The following PPM1D variants were observed in gnomAD, a reference collection of about 807,000 sequenced individuals.
PPM1D encodes protein phosphatase 1D.
A neutral mutation model predicts 58.3 loss-of-function variants in PPM1D; 52 were observed. The ratio of observed to expected loss-of-function variants is 0.89; its 90% CI spans 0.71 to 1.12. The LOEUF (loss-of-function observed/expected upper bound fraction) is 1.12. Ranked by LOEUF, PPM1D falls within the 50% of genes most tolerant of loss-of-function variation. The probability of loss-of-function intolerance (pLI) is 0.00; values close to 1 mark genes in which losing one functional copy is unlikely to be tolerated. For missense variants in PPM1D, 564 were observed against 777.2 expected (o/e 0.73, Z 3.26); for synonymous variants, 278 against 285.1 (o/e 0.98, Z 0.25).
At chr17:60,621,947 G>A (rs144264182) in intron 1 of PPM1D, among the ~76,000 whole-genome samples, 6,056 of 149,522 alleles carry the variant, frequency 0.041, 331 homozygotes, top group African/African-American at 0.13. Flanking sequence ...CAACACTTTG[G>A]GAGGCCAAGG....
intron 1 of PPM1D, among the ~76,000 whole-genome samples, chr17:60,610,485 CAA>C (rs2030432457): frequency 6.6e-6 from 1 of 152,136 alleles, no homozygotes; most frequent in South Asian, 2.1e-4. Context: ...TAATTAAAAA[CAA>C]TGATGTTTGG....
In PPM1D at chr17:60,663,625, A is replaced by C; in HGVS notation, c.*73A>C. 6.8e-7 allele frequency: 1 copy of C among 1,466,410 alleles called. No homozygotes were observed. The highest frequency in any genetic ancestry group is 9.1e-7 in the Non-Finnish European group (1 of 1,094,810). 90.8% of individuals were successfully genotyped at this position (1,466,410 alleles called of 1,614,324 possible). A position where few individuals can be genotyped will look rare whatever the true frequency, so the allele number is the denominator to read the frequency against. The stretch of plus-strand genomic sequence containing the variant: ...CTTTTTAAATTTGGTGCCGATGTTG[A>C]ACTTTTTTTAAGGGGAGAAAATTAA... On this transcript the variant is annotated 3_prime_UTR_variant, in exon 6 of 6. Transcript: ENST00000305921.
intron 3 of PPM1D, 102 bp downstream of exon 3, chr17:60,634,079 G>A: frequency 7.6e-7 from 1 of 1,307,508 alleles, no homozygotes; most frequent in Non-Finnish European, 1.1e-6. Flanking sequence ...GGCATATAGT[G>A]AGGGTAGAGA....
chr17:60,611,967 C>T (rs1340608863), intron 1 of PPM1D, among the ~76,000 whole-genome samples: 3 of 151,270 alleles, frequency 2.0e-5, no homozygotes, highest in Admixed American at 6.6e-5. Context: ...TGTCCTTTAC[C>T]TATGTGCTGT....
chr17:60,603,763 CAAA>C (rs58124861), intron 1 of PPM1D, among the ~76,000 whole-genome samples: 3 of 148,366 alleles, frequency 2.0e-5, no homozygotes, highest in South Asian at 2.1e-4. Flanking sequence ...GACTCCGTCT[CAAA>C]AAAAAAAAAG....
intron 3 of PPM1D, among the ~76,000 whole-genome samples, chr17:60,638,736 A>G (rs947171929): frequency 5.9e-5 from 9 of 152,248 alleles, no homozygotes; most frequent in African/African-American, 2.2e-4. Context: ...TTGCATGGAA[A>G]TACTTACTGG....
intron 1 of PPM1D, among the ~76,000 whole-genome samples, chr17:60,622,168 C>T (rs538671219): frequency 2.9e-4 from 43 of 149,300 alleles, no homozygotes; most frequent in Non-Finnish European, 4.4e-4. Context: ...CCAGCCTGGA[C>T]GACAGAGCGA....
chr17:60,640,137 G>A (rs1290483159), intron 3 of PPM1D, among the ~76,000 whole-genome samples: 1 of 152,148 alleles, frequency 6.6e-6, no homozygotes, highest in East Asian at 1.9e-4. Flanking sequence ...TGGACAACAT[G>A]GCGAAATCTC....
chr17:60,652,780 A>G (rs761037725), intron 4 of PPM1D, among the ~76,000 whole-genome samples: 1 of 151,610 alleles, frequency 6.6e-6, no homozygotes, highest in Non-Finnish European at 1.5e-5. Context: ...GCATTTTTTC[A>G]TATATCTGTT....
intron 2 of PPM1D, among the ~76,000 whole-genome samples, chr17:60,629,922 C>T (rs1032942217): frequency 5.1e-4 from 78 of 152,058 alleles, no homozygotes; most frequent in African/African-American, 1.8e-3. Context: ...TTCCCGTAAT[C>T]CCAGCTACTC....
chr17:60,656,889 C>T (rs762551675), intron 5 of PPM1D, 48 bp downstream of exon 5: 1 of 1,611,502 alleles, frequency 6.2e-7, no homozygotes. Flanking sequence ...GACACCAGTT[C>T]TTTGGTTAGC....
chr17:60,623,953 ACT>A (rs1203392907), intron 2 of PPM1D, among the ~76,000 whole-genome samples: 1 of 152,086 alleles, frequency 6.6e-6, no homozygotes, highest in African/African-American at 2.4e-5. Context: ...TCTGATAATG[ACT>A]CTAATAGGAA....
At chr17:60,639,655 C>T (rs1050038481) in intron 3 of PPM1D, among the ~76,000 whole-genome samples, 1 of 152,232 alleles carries the variant, frequency 6.6e-6, no homozygotes, top group East Asian at 1.9e-4. Flanking sequence ...CCAGGCTGGT[C>T]TCGAACTCCT....
intron 2 of PPM1D, among the ~76,000 whole-genome samples, chr17:60,625,228 C>CA (rs1423720142): frequency 6.6e-6 from 1 of 151,782 alleles, no homozygotes; most frequent in Non-Finnish European, 1.5e-5. Flanking sequence ...GTTTGAACAA[C>CA]AAAAAAATGC....
At chr17:60,653,317 G>A (rs930988871) in intron 4 of PPM1D, among the ~76,000 whole-genome samples, 4 of 152,020 alleles carry the variant, frequency 2.6e-5, no homozygotes, top group African/African-American at 7.2e-5. Flanking sequence ...GTTGCTCTTG[G>A]CACCTTTGTT....
intron 1 of PPM1D, among the ~76,000 whole-genome samples, chr17:60,604,084 G>T (rs2030279704): frequency 6.6e-6 from 1 of 152,204 alleles, no homozygotes; most frequent in Non-Finnish European, 1.5e-5. Context: ...TCATCCATGT[G>T]TGATTTTTGT....
intron 2 of PPM1D, among the ~76,000 whole-genome samples, chr17:60,626,038 G>A (rs760902618): frequency 6.6e-6 from 1 of 152,058 alleles, no homozygotes; most frequent in Non-Finnish European, 1.5e-5. Context: ...ATATATTATG[G>A]AGCTGTACCA....
chr17:60,618,076 A>G (rs1471765400), intron 1 of PPM1D, among the ~76,000 whole-genome samples: 1 of 152,156 alleles, frequency 6.6e-6, no homozygotes, highest in Non-Finnish European at 1.5e-5. Context: ...TGCTTGTGAG[A>G]TTCTTGTGTG....
rs2030190950 is a variant in PPM1D, at chr17:60,600,729, C to T, written c.315C>T (p.Asp105=). 2 of 1,609,772 alleles carry T rather than the reference C, an allele frequency of 1.2e-6. No homozygotes were observed. The highest frequency in any genetic ancestry group is 1.7e-6 in the Non-Finnish European group (2 of 1,178,856). Residue 105 remains aspartate (D), a synonymous_variant, in exon 1 of 6, where the codon GAC becomes GAT. Coordinates refer to ENST00000305921, the MANE Select transcript of PPM1D (RefSeq NM_003620.4). ...CCGTGGCCTTTTTCGCCGTGTGCGA[C>T]GGGCACGGCGGGCGGGAGGCGGCAC... The part of the protein sequence containing the change: ...RSSVAFFAVC[D]GHGGREAAQF...
Sources: gnomAD v4.1 joint callset for allele counts (sites outside exome capture counted in the v4.1 genomes callset) on GRCh38, gnomAD v4.1.1 for gene constraint, MANE v1.5 for transcripts, NCBI Gene and HGNC (gene_info 2026-07-23, HGNC 2026-07-21) for gene names.